Variants in ANK2 observed in about 807,000 individuals in gnomAD.
ANK2 encodes ankyrin 2.
ANK2 carries 83 observed loss-of-function variants against 360.5 expected under a neutral mutation model. The observed-to-expected ratio is 0.23, with a 90% confidence interval of 0.19 to 0.28. ANK2 has a LOEUF of 0.28. Ranked by LOEUF, ANK2 falls within the 10% of genes least tolerant of loss-of-function variation. ANK2 has a pLI of 1.00. For missense variants in ANK2, 4,201 were observed against 4,795.7 expected, an observed-to-expected ratio of 0.88 and a Z score of 3.66; for synonymous variants, 1,740 against 1,759.5, an observed-to-expected ratio of 0.99 and a Z score of 0.28.
At chr4:112,743,527 TTTC>T in the ANK2 span, among the ~76,000 whole-genome samples, 2 of 151,124 alleles carry the variant, frequency 1.3e-5, no homozygotes, top group Non-Finnish European at 3.0e-5. Flanking sequence ...CCTTTCTTTC[TTTC>T]TGTCTCTCTC....
intron 2 of ANK2, among the ~76,000 whole-genome samples, chr4:113,190,593 A>C (rs1223919227): frequency 6.6e-6 from 1 of 152,154 alleles, no homozygotes; most frequent in African/African-American, 2.4e-5. Context: ...TGAGAAGTTG[A>C]GGTCTAAAGA....
intron 42 of ANK2, among the ~76,000 whole-genome samples, chr4:113,368,460 G>C (rs750750672): frequency 1.3e-5 from 2 of 152,222 alleles, no homozygotes; most frequent in Admixed American, 1.3e-4. Context: ...TGGGGTGGGA[G>C]TAAAGAGAAG....
intron 1 of ANK2, among the ~76,000 whole-genome samples, chr4:113,146,852 T>C (rs1469481796): frequency 2.6e-5 from 4 of 152,206 alleles, no homozygotes; most frequent in Admixed American, 6.5e-5. Context: ...AACTAAGATA[T>C]GTAGGATTTC....
chr4:113,118,592 T>C (rs2095075339), intron 1 of ANK2, among the ~76,000 whole-genome samples: 1 of 152,178 alleles, frequency 6.6e-6, no homozygotes, highest in Admixed American at 6.6e-5. Flanking sequence ...GCTACAGAAA[T>C]AAAATTAGCA....
chr4:113,298,574 AT>A (rs1456292542), intron 22 of ANK2, among the ~76,000 whole-genome samples: 1 of 152,274 alleles, frequency 6.6e-6, no homozygotes, highest in South Asian at 2.1e-4. Context: ...TATTTTCTAC[AT>A]TTTTCATATC....
In ANK2 at chr4:113,357,299, A is replaced by T. The variant is rs1589012300; in HGVS notation, c.8681A>T (p.Asp2894Val). ...ENLPKDCPSQ[D>V]SSITTQTDRF... is the part of the protein sequence containing the mutation. ...TTACCAAAGGACTGCCCCTCTCAAG[A>T]CTCATCCATTACTACTCAAACAGAT... Residue 2894 changes from aspartate (D) to valine (V), a missense_variant, in exon 38 of 46, where the codon GAC (aspartate) becomes GTC (valine). Asp to Val is a radical substitution (Grantham distance 152). Coordinates refer to ENST00000357077, the MANE Select transcript of ANK2 (RefSeq NM_001148.6). 1 of 1,614,052 alleles carries T rather than the reference A, an allele frequency of 6.2e-7. No homozygotes were observed. The highest frequency in any genetic ancestry group is 1.7e-5 in the Admixed American group (1 of 60,018).
At chr4:113,343,248 T>G (rs2094483580) in intron 34 of ANK2, 106 bp downstream of exon 34, 1 of 1,281,378 alleles carries the variant, frequency 7.8e-7, no homozygotes, top group African/African-American at 1.5e-5. Flanking sequence ...CTTCAGAGTT[T>G]TCTTTTTAAC....
intron 9 of ANK2, among the ~76,000 whole-genome samples, chr4:113,247,992 CTCCTA>C (rs1262009748): frequency 6.6e-6 from 1 of 152,202 alleles, no homozygotes; most frequent in Non-Finnish European, 1.5e-5. Context: ...CTCTTTAAGG[CTCCTA>C]TCTGGCAAAT....
chr4:113,354,990 A>G lies in ANK2; in HGVS notation c.6372A>G (p.Leu2124=). The G allele has an allele frequency of 1.2e-6, 2 of 1,614,090 alleles. No individual in the cohort carries two copies. The highest frequency in any genetic ancestry group is 1.7e-6 in the Non-Finnish European group (2 of 1,179,972). Residue 2124 remains leucine, a synonymous_variant, in exon 38 of 46, where the codon CTA becomes CTG. Transcript: ENST00000357077. ...CTGATGAGCAGGGAGACATGGATCT[A>G]CAGATCAGCCCAGATAGGAAAACCT... ...KMADEQGDMD[L]QISPDRKTST...
At chr4:113,102,477 C>A (rs1433778576) in intron 1 of ANK2, among the ~76,000 whole-genome samples, 2 of 152,172 alleles carry the variant, frequency 1.3e-5, no homozygotes, top group African/African-American at 2.4e-5. Context: ...ACCATGGGAG[C>A]AGATGCTGCT....
At chr4:112,853,671 T>C (rs2065603508) in intron 1 of ANK2, among the ~76,000 whole-genome samples, 1 of 152,236 alleles carries the variant, frequency 6.6e-6, no homozygotes, top group African/African-American at 2.4e-5. Context: ...CTAAGCTTTA[T>C]TGTTCTTAAA....
intron 3 of ANK2, among the ~76,000 whole-genome samples, chr4:113,198,433 A>G (rs957036922): frequency 1.3e-5 from 2 of 151,922 alleles, no homozygotes; most frequent in African/African-American, 4.8e-5. Context: ...ATTATTTTTC[A>G]TTGGTGTTAG....
chr4:112,957,428 A>T (rs900404782), intron 2 of ANK2, among the ~76,000 whole-genome samples: 2 of 152,204 alleles, frequency 1.3e-5, no homozygotes, highest in African/African-American at 4.8e-5. Flanking sequence ...CTACACATAC[A>T]CAGCAACCAT....
At position 113,242,287 on chromosome 4, in the gene ANK2, G is replaced by T. The variant is rs922996489; in HGVS notation, c.891+78G>T. On this transcript the variant is annotated intron_variant, in intron 9 of 45. Transcript: ENST00000357077. The stretch of plus-strand genomic sequence containing the variant: ...CATAGAAGGCACCTCAAGACACCAG[G>T]TCATTAACATAAGCAATGTGTTTTC... 1.1e-5 allele frequency: 13 copies of T among 1,219,500 alleles called. No homozygotes were observed. In the Admixed American group the frequency reaches 2.1e-4, roughly 20 times the overall value. The allele number at this position is 1,219,500 out of a possible 1,614,324, so 75.5% of individuals were successfully genotyped here.
At chr4:112,714,036 G>C in the ANK2 span, among the ~76,000 whole-genome samples, 2 of 151,852 alleles carry the variant, frequency 1.3e-5, no homozygotes, top group African/African-American at 4.8e-5. Context: ...TTATTGCTCT[G>C]CGTCCTTGTC....
At chr4:112,780,198 A>AAT in the ANK2 span, among the ~76,000 whole-genome samples, 1 of 152,006 alleles carries the variant, frequency 6.6e-6, no homozygotes. Flanking sequence ...AAAAAAAAAA[A>AAT]AAAGAAGTCA....
intron 2 of ANK2, among the ~76,000 whole-genome samples, chr4:113,175,198 T>C (rs1364598336): frequency 6.6e-6 from 1 of 152,150 alleles, no homozygotes; most frequent in Non-Finnish European, 1.5e-5. Context: ...GAGACCTAAC[T>C]AGGAAGTGAA....
chr4:113,332,059 C>A lies in ANK2; in HGVS notation c.3213C>A (p.Thr1071=), dbSNP rs1395480636. 6.2e-7 allele frequency: 1 copy of A among 1,613,732 alleles called. No individual in the cohort carries two copies. Among genetic ancestry groups the A allele is most frequent in the African/African-American group, 1.3e-5 (1 of 74,894 alleles). ...SRILQLGPPG[T]KFLGPVIVEI... The stretch of plus-strand genomic sequence containing the variant: ...TTCTTCAGCTGGGGCCTCCTGGAAC[C>A]AAATTCCTTGGGTAGGAGTGACTTA... The change falls in exon 28 of 46, where the codon ACC becomes ACA. Residue 1071 remains threonine, a synonymous_variant. Coordinates refer to ENST00000357077, the MANE Select transcript of ANK2 (RefSeq NM_001148.6).
chr4:112,912,660 G>A (rs1187904409), intron 2 of ANK2, among the ~76,000 whole-genome samples: 2 of 152,040 alleles, frequency 1.3e-5, no homozygotes, highest in Non-Finnish European at 1.5e-5. Flanking sequence ...AAATTTGTGA[G>A]CAGCCTAATT....
Sources: allele counts gnomAD v4.1 joint callset (sites outside exome capture counted in the v4.1 genomes callset), GRCh38; gene constraint gnomAD v4.1.1; transcripts MANE v1.5; gene names NCBI Gene and HGNC (gene_info 2026-07-23, HGNC 2026-07-21).